IFT52: variants seen among roughly 807,000 people sequenced by gnomAD.
IFT52 encodes the protein intraflagellar transport 52.
Under a neutral mutation model 54.4 loss-of-function variants are expected in IFT52, and 44 were observed. The observed-to-expected ratio is 0.81, with a 90% CI of 0.63 to 1.04. The LOEUF (loss-of-function observed/expected upper bound fraction) is 1.04. Among genes scored for constraint, IFT52 ranks in the 50% least tolerant of loss-of-function variants. The probability of loss-of-function intolerance (pLI) is 0.00; values close to 1 mark genes in which losing one functional copy is unlikely to be tolerated. For missense variants in IFT52, 452 were observed against 523.6 expected, an observed-to-expected ratio of 0.86 and a Z score of 1.33; for synonymous variants, 181 against 185.3, an observed-to-expected ratio of 0.98 and a Z score of 0.19.
At chr20:43,604,079 G>A in intron 4 of IFT52, 104 bp from the exon 5 acceptor site, 1 of 1,033,882 alleles carries the variant, frequency 9.7e-7, no homozygotes, top group Non-Finnish European at 1.5e-6. Flanking sequence ...GAGATGGATT[G>A]GAACCAAGTT....
intron 3 of IFT52, among the ~76,000 whole-genome samples, chr20:43,598,176 A>G (rs1432393566): frequency 1.3e-5 from 2 of 152,210 alleles, no homozygotes; most frequent in Non-Finnish European, 2.9e-5. Flanking sequence ...CCAAACGAAA[A>G]TAAGGCAGAC....
At position 43,626,022 on chromosome 20, in the gene IFT52, GAAAAAAAAAA is replaced by G. The variant is rs11403788; in HGVS notation, c.923+1989_923+1998del. Reference sequence around the variant, plus strand: ...TCAACAGAGAGAGATCTTGTCTCCGGAAAAAAAAAAAAAAAAAAAAAGTTGCAATAACTGA... The same window carrying G: ...TCAACAGAGAGAGATCTTGTCTCCGGAAAAAAAAAAAGTTGCAATAACTGA... On this transcript the variant is annotated intron_variant, in intron 10 of 13. Coordinates refer to ENST00000373030, the MANE Select transcript of IFT52 (RefSeq NM_016004.5). 6.2e-5 allele frequency among the ~76,000 whole-genome samples: 6 copies of G among 96,678 alleles called. No individual in the cohort carries two copies. The East Asian group carries it at 2.0e-3, about 31-fold the overall frequency. 63.4% of individuals were successfully genotyped at this position (96,678 alleles called of 152,430 possible).
At position 43,628,410 on chromosome 20, in the gene IFT52, C is replaced by T. The variant is rs565953906; in HGVS notation, c.923+4365C>T. ...TCAGACTTCCCAGCAGCTTTGTTTA[C>T]GCTGTAAAGGGAAAATCGCCTACTC... On this transcript the variant is annotated intron_variant, in intron 10 of 13. Transcript: ENST00000373030. Among the ~76,000 whole-genome samples, 9 of 152,190 alleles carry T rather than the reference C, an allele frequency of 5.9e-5. No individual in the cohort carries two copies. In the East Asian group the frequency reaches 1.7e-3, roughly 29 times the overall value.
intron 10 of IFT52, among the ~76,000 whole-genome samples, chr20:43,624,354 C>A (rs997170310): frequency 6.6e-6 from 1 of 152,098 alleles, no homozygotes; most frequent in African/African-American, 2.4e-5. Flanking sequence ...AAAATGGAGT[C>A]CCAAGTCCCT....
At chr20:43,642,650 A>T in intron 13 of IFT52, 26 bp downstream of exon 13, 1 of 1,610,022 alleles carries the variant, frequency 6.2e-7, no homozygotes. Flanking sequence ...GGCACAGTGT[A>T]GTGGGAGCCC....
At chr20:43,619,379 G>A (rs1485439773) in intron 8 of IFT52, among the ~76,000 whole-genome samples, 1 of 152,104 alleles carries the variant, frequency 6.6e-6, no homozygotes, top group Non-Finnish European at 1.5e-5. Context: ...GGGAGCCCTT[G>A]GGTTTTCAGC....
chr20:43,610,278 C>T (rs1381033397), intron 6 of IFT52, among the ~76,000 whole-genome samples: 2 of 122,096 alleles, frequency 1.6e-5, no homozygotes, highest in African/African-American at 6.6e-5. Flanking sequence ...GGCGACAGAG[C>T]GAGACACCAA....
chr20:43,591,534 G>A (rs2145574901), intron 1 of IFT52, among the ~76,000 whole-genome samples: 1 of 152,190 alleles, frequency 6.6e-6, no homozygotes, highest in African/African-American at 2.4e-5. Flanking sequence ...ACTCTCACCA[G>A]GGGCTGAACT....
intron 7 of IFT52, among the ~76,000 whole-genome samples, chr20:43,617,602 CCTGA>C (rs1426450775): frequency 1.3e-5 from 2 of 152,134 alleles, no homozygotes; most frequent in African/African-American, 2.4e-5. Flanking sequence ...CACCACCATG[CCTGA>C]CTAATTTTTG....
intron 10 of IFT52, among the ~76,000 whole-genome samples, chr20:43,626,085 C>T (rs1237090732): frequency 1.4e-5 from 2 of 147,992 alleles, no homozygotes; most frequent in Non-Finnish European, 3.0e-5. Context: ...GTAGATTTTG[C>T]AGGAAGAGCA....
At chr20:43,623,628 G>A (rs777183293) in intron 9 of IFT52, among the ~76,000 whole-genome samples, 16 of 152,236 alleles carry the variant, frequency 1.1e-4, no homozygotes, top group Non-Finnish European at 2.4e-4. Context: ...AGGGTTGTAT[G>A]TTTCTCCAGC....
intron 6 of IFT52, among the ~76,000 whole-genome samples, chr20:43,608,868 G>A (rs552369863): frequency 5.9e-5 from 9 of 151,984 alleles, no homozygotes; most frequent in South Asian, 4.1e-4. Context: ...AGATTGCGCC[G>A]CTGCACTCCA....
chr20:43,594,961 G>C (rs948223719), intron 2 of IFT52, 144 bp downstream of exon 2: 25 of 623,492 alleles, frequency 4.0e-5, no homozygotes, highest in South Asian at 3.9e-4. Context: ...GGTCTGGCGT[G>C]GTGGCTCACA....
At chr20:43,594,876 G>A in intron 2 of IFT52, 59 bp downstream of exon 2, 1 of 898,652 alleles carries the variant, frequency 1.1e-6, no homozygotes, top group East Asian at 2.4e-5. Flanking sequence ...TGATAAAGCT[G>A]AGAAGTCTTT....
intron 10 of IFT52, 194 bp downstream of exon 10, chr20:43,624,239 T>C: frequency 1.6e-6 from 1 of 623,206 alleles, no homozygotes; most frequent in Non-Finnish European, 2.8e-6. Flanking sequence ...CAGAGGTTAT[T>C]AGCCCCTGCG....
intron 1 of IFT52, 66 bp from the exon 2 acceptor site, chr20:43,594,627 T>C: frequency 2.3e-6 from 2 of 867,984 alleles, no homozygotes; most frequent in South Asian, 2.9e-5. Flanking sequence ...AAGGCAACTA[T>C]TTATTACTTT....
chr20:43,612,703 C>T (rs201249391), intron 6 of IFT52, among the ~76,000 whole-genome samples: 1 of 53,580 alleles, frequency 1.9e-5, no homozygotes, highest in African/African-American at 5.4e-5. Flanking sequence ...AAAAACAAAA[C>T]AAAACAAACA....
intron 13 of IFT52, 99 bp from the exon 14 acceptor site, chr20:43,646,837 A>G: frequency 9.9e-7 from 1 of 1,013,324 alleles, no homozygotes. Flanking sequence ...GTCCTAATTA[A>G]TAAAGATTCA....
intron 8 of IFT52, among the ~76,000 whole-genome samples, chr20:43,620,591 G>A (rs1319722687): frequency 6.6e-6 from 1 of 152,184 alleles, no homozygotes; most frequent in Non-Finnish European, 1.5e-5. Context: ...AGGAGGTGGA[G>A]GTTGCAGTGA....
Sources: allele counts gnomAD v4.1 joint callset (sites outside exome capture counted in the v4.1 genomes callset), GRCh38; gene constraint gnomAD v4.1.1; transcripts MANE v1.5; gene names NCBI Gene and HGNC (gene_info 2026-07-23, HGNC 2026-07-21).